The following ADCY2 variants were observed in gnomAD, a reference collection of about 807,000 sequenced individuals.
ADCY2 encodes the protein adenylate cyclase 2.
Under a neutral mutation model 125.2 loss-of-function variants are expected in ADCY2, and 31 were observed. The ratio of observed to expected loss-of-function variants is 0.25; its 90% CI spans 0.19 to 0.33. The LOEUF is 0.33. Among genes scored for constraint, ADCY2 ranks in the 10% least tolerant of loss-of-function variants. The probability of loss-of-function intolerance (pLI) is 1.00; values close to 1 mark genes in which losing one functional copy is unlikely to be tolerated. For missense variants in ADCY2, 904 were observed against 1,418.2 expected, an observed-to-expected ratio of 0.64 and a Z score of 5.82; for synonymous variants, 512 against 548.4, an observed-to-expected ratio of 0.93 and a Z score of 0.93.
rs563932649 is a variant in ADCY2, at chr5:7,787,293, G to T, written c.2470-2349G>T. Among the ~76,000 whole-genome samples, 269 of 152,230 alleles carry T rather than the reference G, an allele frequency of 1.8e-3. 1 individual carries two copies. Among genetic ancestry groups the T allele is most frequent in the African/African-American group, 5.9e-3 (244 of 41,540 alleles). On this transcript the variant is annotated intron_variant, in intron 19 of 24. Coordinates refer to ENST00000338316, the MANE Select transcript of ADCY2 (RefSeq NM_020546.3). ...ATCTTGGCCTCTGCTAGACGCCTGC[G>T]CATGGCCTCCCGCCATGTCTCTGAG...
chr5:7,823,731 T>C (rs967911735), intron 24 of ADCY2, among the ~76,000 whole-genome samples: 5 of 152,204 alleles, frequency 3.3e-5, no homozygotes, highest in Non-Finnish European at 4.4e-5. Context: ...CTAGCAGCTT[T>C]TAAGCACTTG....
chr5:7,520,566 T>C (rs1234229534), intron 2 of ADCY2, among the ~76,000 whole-genome samples, 172 bp from the exon 3 acceptor site: 1 of 152,204 alleles, frequency 6.6e-6, no homozygotes, highest in Non-Finnish European at 1.5e-5. Context: ...ATTAGTCTGT[T>C]ATTGTAATCC....
chr5:7,589,683 G>T (rs1489534688), intron 3 of ADCY2, among the ~76,000 whole-genome samples: 3 of 152,042 alleles, frequency 2.0e-5, no homozygotes, highest in Non-Finnish European at 4.4e-5. Context: ...TTTCCTGAGT[G>T]TTCCTCCTGT....
intron 3 of ADCY2, among the ~76,000 whole-genome samples, chr5:7,608,328 T>A (rs539800638): frequency 2.6e-5 from 4 of 152,262 alleles, no homozygotes; most frequent in African/African-American, 9.6e-5. Flanking sequence ...ACACCTGTAA[T>A]CCCAGCACTT....
chr5:7,536,921 G>A lies in ADCY2; in HGVS notation c.570+16022G>A, dbSNP rs1189577627. On this transcript the variant is annotated intron_variant, in intron 3 of 24. Coordinates refer to ENST00000338316, the MANE Select transcript of ADCY2 (RefSeq NM_020546.3). The stretch of plus-strand genomic sequence containing the variant: ...GAATAGTTTTTTTCTTATAAATAAG[G>A]TTTCACGTTGATCTAACATATTTAG... Among the ~76,000 whole-genome samples, 5 of 152,034 alleles carry A rather than the reference G, an allele frequency of 3.3e-5. No individual in the cohort carries two copies. The East Asian group carries it at 9.6e-4, about 29-fold the overall frequency.
intron 3 of ADCY2, among the ~76,000 whole-genome samples, chr5:7,526,136 T>A (rs951474309): frequency 1.3e-5 from 2 of 152,232 alleles, no homozygotes; most frequent in Non-Finnish European, 1.5e-5. Context: ...CTGCTCAGGC[T>A]CTGTCCTCCT....
chr5:7,468,013 C>A (rs571385195), intron 2 of ADCY2, among the ~76,000 whole-genome samples: 1 of 152,172 alleles, frequency 6.6e-6, no homozygotes, highest in African/African-American at 2.4e-5. Context: ...AATGAACTTC[C>A]CGTTTTCTTT....
At position 7,703,264 on chromosome 5, in the gene ADCY2, A is replaced by G. The variant is rs541129433; in HGVS notation, c.1110-3480A>G. ...TTTGTCAATTTTGGCTTTTGTTGCC[A>G]TTGCTTTTGGTGTTTTAGACATGAA... On this transcript the variant is annotated intron_variant, in intron 7 of 24. Coordinates refer to ENST00000338316, the MANE Select transcript of ADCY2 (RefSeq NM_020546.3). Among the ~76,000 whole-genome samples the G allele has an allele frequency of 4.6e-5, 7 of 152,250 alleles. No individual in the cohort carries two copies. In the East Asian group the frequency reaches 1.4e-3, roughly 29 times the overall value.
At chr5:7,574,316 G>A (rs1736174104) in intron 3 of ADCY2, among the ~76,000 whole-genome samples, 2 of 151,586 alleles carry the variant, frequency 1.3e-5, no homozygotes, top group South Asian at 4.2e-4. Context: ...TCCAGTTCTA[G>A]ATCCTTGAGG....
At chr5:7,770,721 C>T (rs1743528969) in intron 17 of ADCY2, among the ~76,000 whole-genome samples, 2 of 152,160 alleles carry the variant, frequency 1.3e-5, no homozygotes, top group South Asian at 4.1e-4. Flanking sequence ...CCCACCAGTT[C>T]CTGGGGCAAT....
At chr5:7,759,809 C>T (rs547551051) in intron 16 of ADCY2, among the ~76,000 whole-genome samples, 8 of 152,004 alleles carry the variant, frequency 5.3e-5, no homozygotes, top group African/African-American at 1.9e-4. Context: ...AAGATAGAAA[C>T]GCCAGGGCTC....
At chr5:7,621,108 A>G (rs1279470780) in intron 3 of ADCY2, among the ~76,000 whole-genome samples, 1 of 152,208 alleles carries the variant, frequency 6.6e-6, no homozygotes, top group Non-Finnish European at 1.5e-5. Flanking sequence ...CTAACTCGTG[A>G]TAATTTCTCA....
At chr5:7,676,851 C>T (rs1258060723) in intron 4 of ADCY2, among the ~76,000 whole-genome samples, 1 of 152,154 alleles carries the variant, frequency 6.6e-6, no homozygotes, top group Non-Finnish European at 1.5e-5. Context: ...TAGAACTGGA[C>T]ACAAGGTGAA....
At chr5:7,619,151 TAA>T (rs1268375660) in intron 3 of ADCY2, among the ~76,000 whole-genome samples, 2 of 152,210 alleles carry the variant, frequency 1.3e-5, no homozygotes, top group Non-Finnish European at 2.9e-5. Context: ...AGTGGCGATG[TAA>T]AGTTTAGGTA....
At chr5:7,442,439 A>G (rs1452636698) in intron 2 of ADCY2, among the ~76,000 whole-genome samples, 1 of 152,098 alleles carries the variant, frequency 6.6e-6, no homozygotes, top group Non-Finnish European at 1.5e-5. Flanking sequence ...GATTTGGTTT[A>G]ACTTTTAATT....
intron 3 of ADCY2, among the ~76,000 whole-genome samples, chr5:7,544,471 A>G (rs144921175): frequency 4.7e-4 from 72 of 152,082 alleles, no homozygotes; most frequent in African/African-American, 1.7e-3. Context: ...CACGTCTCCA[A>G]TTTCCTCTTT....
At position 7,663,429 on chromosome 5, in the gene ADCY2, C is replaced by CG. The variant is rs943391643; in HGVS notation, c.721-27255dup. Among the ~76,000 whole-genome samples the CG allele has an allele frequency of 7.2e-5, 11 of 152,348 alleles. No individual in the cohort carries two copies. In the South Asian group the frequency reaches 1.2e-3, roughly 17 times the overall value. ...ATCCTGCCCATTGCAGCACCTCCCA[C>CG]GGGGGGGCCTGGAGCCTAGTACCCA... On this transcript the variant is annotated intron_variant, in intron 4 of 24. Coordinates refer to ENST00000338316, the MANE Select transcript of ADCY2 (RefSeq NM_020546.3).
At position 7,700,567 on chromosome 5, in the gene ADCY2, G is replaced by A. The variant is rs570357087; in HGVS notation, c.1109+2193G>A. On this transcript the variant is annotated intron_variant, in intron 7 of 24. Transcript: ENST00000338316. ...TTAATGTTCTCATTCCTTGTCTCAGGATTAAAGTAGAAAGGGCTTTATGTG... is the reference window on the plus strand; with the variant it reads ...TTAATGTTCTCATTCCTTGTCTCAGAATTAAAGTAGAAAGGGCTTTATGTG... Among the ~76,000 whole-genome samples the A allele has an allele frequency of 7.9e-5, 12 of 151,554 alleles. No homozygotes were observed. The South Asian group carries it at 1.3e-3, about 16-fold the overall frequency.
At chr5:7,743,094 C>T (rs962963517) in intron 14 of ADCY2, among the ~76,000 whole-genome samples, 14 of 152,114 alleles carry the variant, frequency 9.2e-5, no homozygotes, top group Admixed American at 8.5e-4. Flanking sequence ...ATGTTTTTCA[C>T]ATGATCATGG....
Sources: allele counts gnomAD v4.1 joint callset (sites outside exome capture counted in the v4.1 genomes callset), GRCh38; gene constraint gnomAD v4.1.1; transcripts MANE v1.5; gene names NCBI Gene and HGNC (gene_info 2026-07-23, HGNC 2026-07-21).